CPAMD8: variants seen among roughly 807,000 people sequenced by gnomAD.
CPAMD8 encodes the protein C3 and PZP like alpha-2-macroglobulin domain containing 8, also known as C3 and PZP-like alpha-2-macroglobulin domain-containing protein 8.
CPAMD8 carries 146 observed loss-of-function variants against 224.7 expected under a neutral mutation model. The observed-to-expected ratio is 0.65, with a 90% CI of 0.57 to 0.75. The LOEUF (loss-of-function observed/expected upper bound fraction) is 0.75, where lower values mean the gene tolerates loss of function less well. Ranked by LOEUF, CPAMD8 falls within the 30% of genes least tolerant of loss-of-function variation. The pLI is 0.00. For synonymous variants in CPAMD8, 966 were observed against 1,044.6 expected (o/e 0.92, Z 1.45); for missense variants, 2,301 against 2,537.5 (o/e 0.91, Z 2.00).
At chr19:16,941,842 A>G (rs1299229417) in intron 22 of CPAMD8, among the ~76,000 whole-genome samples, 3 of 152,062 alleles carry the variant, frequency 2.0e-5, no homozygotes, top group African/African-American at 4.8e-5. Context: ...GCATGGTGGC[A>G]GGTGCCTGCA....
At chr19:16,993,090 C>A (rs145355431) in intron 12 of CPAMD8, among the ~76,000 whole-genome samples, 1 of 152,210 alleles carries the variant, frequency 6.6e-6, no homozygotes, top group African/African-American at 2.4e-5. Context: ...AGTATAATCA[C>A]GGTCTGCCTC....
intron 5 of CPAMD8, 64 bp from the exon 6 acceptor site, chr19:17,009,384 C>T: frequency 1.2e-6 from 2 of 1,613,050 alleles, no homozygotes; most frequent in African/African-American, 2.7e-5. Context: ...TTTCAACATG[C>T]TCATGCATGG....
intron 12 of CPAMD8, 43 bp downstream of exon 12, chr19:16,993,373 A>G (rs374934372): frequency 5.7e-6 from 9 of 1,577,442 alleles, no homozygotes; most frequent in Non-Finnish European, 7.8e-6. Context: ...CCCCAAGTCC[A>G]TACCTGCTGG....
intron 23 of CPAMD8, among the ~76,000 whole-genome samples, chr19:16,936,179 T>C (rs188441590): frequency 2.6e-5 from 4 of 152,186 alleles, no homozygotes; most frequent in East Asian, 3.9e-4. Flanking sequence ...CCACCCACCT[T>C]GGCCTCTCAA....
chr19:16,950,158 C>T (rs560324698), intron 20 of CPAMD8, among the ~76,000 whole-genome samples: 205 of 152,018 alleles, frequency 1.3e-3, no homozygotes, highest in Non-Finnish European at 2.6e-3. Context: ...ATTAGCTAGG[C>T]GTGGTGGCGG....
At chr19:17,015,860 C>T (rs2056797761) in intron 3 of CPAMD8, among the ~76,000 whole-genome samples, 1 of 152,112 alleles carries the variant, frequency 6.6e-6, no homozygotes, top group African/African-American at 2.4e-5. Context: ...AGGGGGCCGA[C>T]CCCAAACGGC....
intron 26 of CPAMD8, 45 bp downstream of exon 26, chr19:16,925,151 G>A (rs1254652935): frequency 6.2e-7 from 1 of 1,602,006 alleles, no homozygotes; most frequent in Non-Finnish European, 8.5e-7. Context: ...GGCTGAACCT[G>A]CCTCCCTTGC....
rs151146215 is a variant in CPAMD8, at chr19:16,941,380, C to T, written c.2794-2934G>A. Among the ~76,000 whole-genome samples, 46 of 152,220 alleles carry T rather than the reference C, an allele frequency of 3.0e-4. 2 individuals are homozygous for T. In the East Asian group the frequency reaches 6.4e-3, roughly 21 times the overall value. The stretch of plus-strand genomic sequence containing the variant: ...AAGCAAGCACGTATCTATGCTGCAC[C>T]GTGGATGAACCCTGAACACATTGTG... On this transcript the variant is annotated intron_variant, in intron 22 of 41. Transcript: ENST00000443236.
rs1334547258 is a variant in CPAMD8, at chr19:16,977,515, C to A, written c.1611G>T (p.Glu537Asp). ...ETEPPPAPEAEVDVCVTSLHL... is the reference protein window; with the variant it reads ...ETEPPPAPEADVDVCVTSLHL... ...GAAGAGAGGTCACACACACGTCGAC[C>A]TCAGCTTCTGGGGCTGGTGGGGGCT... The change falls in exon 15 of 42, where the codon GAG (glutamate) becomes GAT (aspartate). Residue 537 changes from glutamate to aspartate, a missense_variant. Transcript: ENST00000443236. The A allele has an allele frequency of 1.2e-6, 2 of 1,600,190 alleles. No homozygotes were observed. The highest frequency in any genetic ancestry group is 2.7e-5 in the African/African-American group (2 of 74,000).
At chr19:16,903,530 C>T (rs1444135066) in intron 34 of CPAMD8, 31 bp downstream of exon 34, 1 of 1,613,576 alleles carries the variant, frequency 6.2e-7, no homozygotes, top group Admixed American at 1.7e-5. Flanking sequence ...AGGACAAGCC[C>T]AAGATCACCT....
intron 18 of CPAMD8, among the ~76,000 whole-genome samples, chr19:16,968,542 C>T (rs1568541020): frequency 6.6e-6 from 1 of 152,200 alleles, no homozygotes; most frequent in Non-Finnish European, 1.5e-5. Context: ...GTGAGCAATA[C>T]TGGAAATACT....
In CPAMD8 at chr19:16,949,346, TC is replaced by T. The variant is rs2054227133; in HGVS notation, c.2509-2120del. Among the ~76,000 whole-genome samples, 3 of 152,074 alleles carry T rather than the reference TC, an allele frequency of 2.0e-5. No individual in the cohort carries two copies. In the South Asian group the frequency reaches 6.2e-4, roughly 32 times the overall value. ...TGCTCACAGGTTTCAGAGGGAAACCTCCCTTTAGGGGCCAACCTACAGGTCA... is the reference window on the plus strand; with the variant it reads ...TGCTCACAGGTTTCAGAGGGAAACCTCCTTTAGGGGCCAACCTACAGGTCA... On this transcript the variant is annotated intron_variant, in intron 20 of 41. Transcript: ENST00000443236.
chr19:16,931,426 T>G (rs563061492), intron 23 of CPAMD8, among the ~76,000 whole-genome samples: 67 of 152,212 alleles, frequency 4.4e-4, no homozygotes, highest in African/African-American at 8.9e-4. Context: ...ATGCCACCTG[T>G]GGGCAAGGAG....
intron 27 of CPAMD8, among the ~76,000 whole-genome samples, chr19:16,921,494 C>A (rs1364961545): frequency 1.3e-5 from 2 of 152,110 alleles, no homozygotes; most frequent in Non-Finnish European, 2.9e-5. Context: ...AGATCCCAGG[C>A]TGCTCCTGCA....
At chr19:16,976,784 G>A (rs543858611) in intron 15 of CPAMD8, among the ~76,000 whole-genome samples, 39 of 152,046 alleles carry the variant, frequency 2.6e-4, no homozygotes, top group Admixed American at 1.0e-3. Flanking sequence ...GCTCACACCT[G>A]TAATCCCAGC....
chr19:17,016,787 C>T (rs1418352898), intron 3 of CPAMD8, among the ~76,000 whole-genome samples: 3 of 151,350 alleles, frequency 2.0e-5, no homozygotes, highest in African/African-American at 7.3e-5. Context: ...AGAGAAAAAT[C>T]TAATCACACA....
Position 16,928,968 on chromosome 19 carries a change from T to G in CPAMD8, c.3118A>C (p.Ile1040Leu). 1.2e-6 allele frequency: 2 copies of G among 1,611,942 alleles called. No homozygotes were observed. Among genetic ancestry groups the G allele is most frequent in the Non-Finnish European group, 1.7e-6 (2 of 1,178,634 alleles). ...TGGATAAGGCCACCACGCCAGCTGATCCAGAATGTTCTGAATTCATCCCAG... is the reference window on the plus strand; with the variant it reads ...TGGATAAGGCCACCACGCCAGCTGAGCCAGAATGTTCTGAATTCATCCCAG... ...LSWDEFRTFWISWRGGLIQVG... is the reference protein window; with the variant it reads ...LSWDEFRTFWLSWRGGLIQVG... Residue 1040 changes from isoleucine to leucine, a missense_variant, in exon 24 of 42, where the codon ATC becomes CTC. Ile to Leu is a conservative substitution (Grantham distance 5). Transcript: ENST00000443236.
chr19:16,959,850 C>G (rs1230866259), intron 18 of CPAMD8, among the ~76,000 whole-genome samples: 2 of 152,140 alleles, frequency 1.3e-5, no homozygotes, highest in Non-Finnish European at 2.9e-5. Context: ...GCATGTGTAT[C>G]TTCTTTGAAA....
At chr19:16,905,033 G>C (rs1468112516) in intron 30 of CPAMD8, among the ~76,000 whole-genome samples, 1 of 152,074 alleles carries the variant, frequency 6.6e-6, no homozygotes, top group Non-Finnish European at 1.5e-5. Flanking sequence ...TTGAGGTCAG[G>C]AGTTCAAGAC....
Sources: gnomAD v4.1 joint callset for allele counts (sites outside exome capture counted in the v4.1 genomes callset) on GRCh38, gnomAD v4.1.1 for gene constraint, MANE v1.5 for transcripts, NCBI Gene and HGNC (gene_info 2026-07-23, HGNC 2026-07-21) for gene names.